Variants in DPM1 observed in about 807,000 individuals in gnomAD.
The protein encoded by DPM1 is dolichyl-phosphate mannosyltransferase subunit 1, catalytic, also known as dolichol-phosphate mannosyltransferase subunit 1.
DPM1 carries 27 observed loss-of-function variants against 39.0 expected under a neutral mutation model. The ratio of observed to expected loss-of-function variants is 0.69; its 90% CI spans 0.51 to 0.95. DPM1 has a LOEUF of 0.95. Among genes scored for constraint, DPM1 ranks in the 40% least tolerant of loss-of-function variants. The pLI is 0.00. For missense variants in DPM1, 307 were observed against 315.6 expected (o/e 0.97, Z 0.21); for synonymous variants, 124 against 109.0 (o/e 1.14, Z -0.86).
intron 7 of DPM1, among the ~76,000 whole-genome samples, chr20:50,936,469 T>C (rs1045589610): frequency 3.3e-5 from 5 of 152,196 alleles, no homozygotes; most frequent in Non-Finnish European, 7.4e-5. Flanking sequence ...CTTAGAATAA[T>C]TGTGAAAATG....
intron 5 of DPM1, chr20:50,944,916 T>G (rs1206738269): frequency 1.3e-5 from 2 of 152,256 alleles, no homozygotes; most frequent in Non-Finnish European, 2.9e-5. Context: ...ATTTCACTAT[T>G]TGGTGTGGTA....
intron 1 of DPM1, among the ~76,000 whole-genome samples, chr20:50,955,689 G>C (rs1250106457): frequency 1.3e-5 from 2 of 152,020 alleles, no homozygotes; most frequent in Non-Finnish European, 2.9e-5. Flanking sequence ...TCAGCCTCCG[G>C]AGTAGCTGGG....
chr20:50,944,731 C>T (rs1986154555), intron 5 of DPM1: 1 of 152,206 alleles, frequency 6.6e-6, no homozygotes, highest in Admixed American at 6.5e-5. Context: ...AAATCTTATT[C>T]ACAGAGGTTT....
intron 3 of DPM1, among the ~76,000 whole-genome samples, chr20:50,946,208 GA>G (rs1986273779): frequency 6.6e-6 from 1 of 152,186 alleles, no homozygotes; most frequent in Non-Finnish European, 1.5e-5. Context: ...AAAAGTCTAA[GA>G]TTATGTAGCA....
Position 50,936,282 on chromosome 20 carries a change from T to C in DPM1, c.564-20A>G, listed in dbSNP as rs201186989. On this transcript the variant is annotated intron_variant, in intron 7 of 8. Coordinates refer to ENST00000371588, the MANE Select transcript of DPM1 (RefSeq NM_003859.3). ...TATAATCTGTAAGAAATTAAAAATA[T>C]ATATCAACTTCTGGATAAATACACA... 154 of 1,474,494 alleles carry C rather than the reference T, an allele frequency of 1.0e-4. 1 individual carries two copies. Among genetic ancestry groups the C allele is most frequent in the Admixed American group, 3.9e-4 (23 of 59,320 alleles). 91.3% of individuals were successfully genotyped at this position (1,474,494 alleles called of 1,614,324 possible).
intron 1 of DPM1, among the ~76,000 whole-genome samples, chr20:50,957,339 G>A (rs868143008): frequency 1.3e-5 from 2 of 152,104 alleles, no homozygotes; most frequent in South Asian, 4.1e-4. Context: ...AGAGCAATTT[G>A]GCAGTAACTG....
In DPM1 at chr20:50,939,539, C is replaced by T. The variant is rs191716672; in HGVS notation, c.563+1326G>A. On this transcript the variant is annotated intron_variant, in intron 7 of 8. Coordinates refer to ENST00000371588, the MANE Select transcript of DPM1 (RefSeq NM_003859.3). ...AGTAGAGACAGGGTTTCACTGTTAG[C>T]CAGGATGGTCTCGATCTCCTGACCT... is the stretch of plus-strand genomic sequence containing the variant. 4.2e-3 allele frequency among the ~76,000 whole-genome samples: 640 copies of T among 151,918 alleles called. 3 individuals carry two copies. The highest frequency in any genetic ancestry group is 6.5e-3 in the Non-Finnish European group (439 of 67,972).
intron 6 of DPM1, chr20:50,941,318 TATTA>T (rs1985766470): frequency 1.4e-5 from 2 of 143,506 alleles, no homozygotes; most frequent in Admixed American, 7.1e-5. Context: ...TGTATATTCA[TATTA>T]TATATTCATA....
intron 6 of DPM1, chr20:50,941,259 T>TATATATATATATATATATATAA (rs1568762595): frequency 4.2e-5 from 7 of 166,884 alleles, no homozygotes; most frequent in African/African-American, 2.2e-4. Flanking sequence ...TATATATATA[T>TATATATATATATATATATATAA]ATATAAATAA....
chr20:50,953,403 T>G (rs189565620), intron 2 of DPM1, among the ~76,000 whole-genome samples: 1 of 152,372 alleles, frequency 6.6e-6, no homozygotes, highest in Non-Finnish European at 1.5e-5. Context: ...GTGAACACTT[T>G]ATCTGAGGTA....
At chr20:50,958,560 T>C (rs1568777757), upstream of DPM1, 4 of 1,611,836 alleles carry the variant, frequency 2.5e-6, no homozygotes, top group Admixed American at 1.7e-5. Context: ...CGGAATTACG[T>C]AATGTGGCGC....
At chr20:50,937,540 C>T (rs1253660105) in intron 7 of DPM1, among the ~76,000 whole-genome samples, 1 of 151,624 alleles carries the variant, frequency 6.6e-6, no homozygotes, top group Non-Finnish European at 1.5e-5. Context: ...GGGGAGGGAG[C>T]ACTGGGATTG....
At chr20:50,941,892 G>GTTTT in intron 6 of DPM1, 139 bp downstream of exon 6, 1 of 748,370 alleles carries the variant, frequency 1.3e-6, no homozygotes, top group Non-Finnish European at 2.3e-6. Flanking sequence ...AAAACTGTAA[G>GTTTT]AAACTATCTG....
chr20:50,940,626 C>T (rs1985646260), intron 7 of DPM1, among the ~76,000 whole-genome samples: 1 of 152,166 alleles, frequency 6.6e-6, no homozygotes, highest in Non-Finnish European at 1.5e-5. Flanking sequence ...AGCAGTTGAG[C>T]CTTAATACTA....
At chr20:50,955,862 C>A (rs1474641040) in intron 1 of DPM1, among the ~76,000 whole-genome samples, 1 of 152,192 alleles carries the variant, frequency 6.6e-6, no homozygotes, top group Non-Finnish European at 1.5e-5. Flanking sequence ...CGTGCCCAGC[C>A]ATATGAAATT....
intron 2 of DPM1, among the ~76,000 whole-genome samples, chr20:50,950,176 G>A (rs2123128725): frequency 6.6e-6 from 1 of 152,204 alleles, no homozygotes; most frequent in Non-Finnish European, 1.5e-5. Context: ...ATCTTATAGT[G>A]ATAACAGGCT....
chr20:50,956,667 AT>A (rs1162494801), intron 1 of DPM1, among the ~76,000 whole-genome samples: 2 of 152,262 alleles, frequency 1.3e-5, no homozygotes, highest in African/African-American at 2.4e-5. Flanking sequence ...TGTGTTATCT[AT>A]TCTCCAAGAG....
intron 1 of DPM1, among the ~76,000 whole-genome samples, chr20:50,957,505 T>C (rs559603505): frequency 2.0e-5 from 3 of 152,164 alleles, no homozygotes; most frequent in East Asian, 1.9e-4. Context: ...AGCTGGAAAA[T>C]ATGGTGTGAA....
intron 3 of DPM1, among the ~76,000 whole-genome samples, chr20:50,946,585 T>C (rs747433571): frequency 1.3e-5 from 2 of 152,244 alleles, no homozygotes; most frequent in African/African-American, 2.4e-5. Context: ...CGCTAGACCC[T>C]TGCTCTGGTA....
Sources: gnomAD v4.1 joint callset for allele counts (sites outside exome capture counted in the v4.1 genomes callset) on GRCh38, gnomAD v4.1.1 for gene constraint, MANE v1.5 for transcripts, NCBI Gene and HGNC (gene_info 2026-07-23, HGNC 2026-07-21) for gene names.